Variants in DCC observed in about 807,000 individuals in gnomAD.
DCC encodes netrin receptor DCC.
A neutral mutation model predicts 172.5 loss-of-function variants in DCC; 58 were observed. The ratio of observed to expected loss-of-function variants is 0.34; its 90% CI spans 0.27 to 0.42. The LOEUF (loss-of-function observed/expected upper bound fraction) is 0.42, where lower values mean the gene tolerates loss of function less well. Ranked by LOEUF, DCC falls within the 10% of genes least tolerant of loss-of-function variation. The pLI is 1.00. For missense variants in DCC, 1,740 were observed against 1,791.0 expected (o/e 0.97, Z 0.51); for synonymous variants, 709 against 644.5 (o/e 1.10, Z -1.52).
At chr18:53,154,579 G>A (rs1007469179) in intron 7 of DCC, among the ~76,000 whole-genome samples, 2 of 152,198 alleles carry the variant, frequency 1.3e-5, no homozygotes, top group Non-Finnish European at 2.9e-5. Context: ...AGGCAGAGGA[G>A]CTGGGGGACA....
intron 1 of DCC, among the ~76,000 whole-genome samples, chr18:52,540,286 A>T (rs1439691586): frequency 1.3e-5 from 2 of 152,098 alleles, no homozygotes; most frequent in South Asian, 2.1e-4. Context: ...AAATTTTTTT[A>T]AATAATGATG....
Position 52,927,105 on chromosome 18 carries a change from ACACG to A in DCC, c.985+1736_985+1739del, listed in dbSNP as rs1434960861. Among the ~76,000 whole-genome samples the A allele has an allele frequency of 9.7e-4, 107 of 110,170 alleles. 17 individuals are homozygous for A. Among genetic ancestry groups the A allele is most frequent in the African/African-American group, 2.7e-3 (71 of 26,596 alleles). The allele number at this position is 110,170 out of a possible 152,430, so 72.3% of individuals were successfully genotyped here. On this transcript the variant is annotated intron_variant, in intron 5 of 28. Coordinates refer to ENST00000442544, the MANE Select transcript of DCC (RefSeq NM_005215.4). ...TATATACACGTATATACGTGTATAT[ACACG>A]TATATACGTGTATATACACGTATAT...
At chr18:52,585,874 G>C (rs558001008) in intron 1 of DCC, among the ~76,000 whole-genome samples, 1 of 152,064 alleles carries the variant, frequency 6.6e-6, no homozygotes, top group Non-Finnish European at 1.5e-5. Flanking sequence ...ACGAGGTTAG[G>C]TGATCAAGAC....
intron 13 of DCC, among the ~76,000 whole-genome samples, chr18:53,319,211 G>A (rs1436503870): frequency 6.6e-6 from 1 of 152,018 alleles, no homozygotes; most frequent in Non-Finnish European, 1.5e-5. Flanking sequence ...CAACTAATGG[G>A]CAAAATAACC....
intron 1 of DCC, among the ~76,000 whole-genome samples, chr18:52,634,976 C>A (rs79408999): frequency 0.14 from 20,878 of 152,112 alleles, 1,713 homozygotes; most frequent in Non-Finnish European, 0.19. Context: ...CTCTTAGTAT[C>A]ACTCTTCTAT....
chr18:53,391,957 C>A, intron 17 of DCC, 70 bp downstream of exon 17: 1 of 899,398 alleles, frequency 1.1e-6, no homozygotes, highest in Non-Finnish European at 1.8e-6. Context: ...TTTTAAACCT[C>A]TCCTGGACTG....
At chr18:52,871,159 C>T (rs2039312399) in intron 2 of DCC, among the ~76,000 whole-genome samples, 1 of 152,144 alleles carries the variant, frequency 6.6e-6, no homozygotes, top group South Asian at 2.1e-4. Flanking sequence ...TCTTATATAT[C>T]TTGGGTTCTC....
chr18:53,205,455 G>A lies in DCC; in HGVS notation c.1722+91G>A, dbSNP rs1217315871. On this transcript the variant is annotated intron_variant, in intron 10 of 28. Coordinates refer to ENST00000442544, the MANE Select transcript of DCC (RefSeq NM_005215.4). ...GGGCTGGAGAAATAGGAAAAGACTC[G>A]CAAACTCTTGAAACAGCCCAGTGTT... The A allele has an allele frequency of 3.0e-5, 38 of 1,269,708 alleles. No homozygotes were observed. In the East Asian group the frequency reaches 3.7e-4, roughly 12 times the overall value. The allele number at this position is 1,269,708 out of a possible 1,614,324, so 78.7% of individuals were successfully genotyped here. A position where few individuals can be genotyped will look rare whatever the true frequency, so the allele number is the denominator to read the frequency against.
intron 10 of DCC, among the ~76,000 whole-genome samples, chr18:53,206,478 TA>T (rs2055644896): frequency 9.9e-6 from 1 of 100,808 alleles, no homozygotes; most frequent in South Asian, 2.5e-4. Context: ...ATAGTATATA[TA>T]ATATATAATG....
At chr18:52,495,706 G>A (rs1281413185) in intron 1 of DCC, among the ~76,000 whole-genome samples, 4 of 151,898 alleles carry the variant, frequency 2.6e-5, no homozygotes, top group East Asian at 1.9e-4. Context: ...GTGAGCTTGA[G>A]AAGCTGTAAA....
At chr18:52,711,656 A>C (rs1386470855) in intron 1 of DCC, among the ~76,000 whole-genome samples, 1 of 151,968 alleles carries the variant, frequency 6.6e-6, no homozygotes, top group East Asian at 1.9e-4. Flanking sequence ...AGCCCCTTTG[A>C]TTTTGCTGCC....
At chr18:52,623,914 G>A (rs974977514) in intron 1 of DCC, among the ~76,000 whole-genome samples, 1 of 152,126 alleles carries the variant, frequency 6.6e-6, no homozygotes, top group Non-Finnish European at 1.5e-5. Flanking sequence ...ATGCACATGT[G>A]TGTATTGAAT....
intron 5 of DCC, among the ~76,000 whole-genome samples, chr18:53,026,976 T>G (rs1004274063): frequency 3.9e-5 from 6 of 152,160 alleles, no homozygotes; most frequent in African/African-American, 1.4e-4. Flanking sequence ...CTCATCTTTC[T>G]CAGTCATCAC....
intron 1 of DCC, among the ~76,000 whole-genome samples, chr18:52,646,064 T>C (rs879218497): frequency 1.3e-5 from 2 of 152,142 alleles, no homozygotes; most frequent in Non-Finnish European, 2.9e-5. Flanking sequence ...GAGGAAGGGG[T>C]TAGATTCAGA....
chr18:53,413,665 T>A (rs558422737), intron 20 of DCC, among the ~76,000 whole-genome samples: 2 of 152,306 alleles, frequency 1.3e-5, no homozygotes, highest in East Asian at 3.9e-4. Flanking sequence ...AGACAATGCA[T>A]GTATATGATT....
intron 5 of DCC, among the ~76,000 whole-genome samples, chr18:52,981,563 A>T (rs1036045861): frequency 2.7e-4 from 41 of 152,208 alleles, no homozygotes; most frequent in African/African-American, 9.9e-4. Context: ...TCTCATTAGG[A>T]GCTTATTTAA....
intron 2 of DCC, among the ~76,000 whole-genome samples, chr18:52,889,987 G>C (rs2039625040): frequency 6.6e-6 from 1 of 152,078 alleles, no homozygotes; most frequent in Non-Finnish European, 1.5e-5. Flanking sequence ...AAGAAATATA[G>C]AGTACTATAT....
intron 1 of DCC, among the ~76,000 whole-genome samples, chr18:52,725,618 G>A (rs1036260445): frequency 6.6e-6 from 1 of 152,140 alleles, no homozygotes; most frequent in Admixed American, 6.5e-5. Flanking sequence ...TGTGGGGGAG[G>A]TGTTGCCTGT....
rs187631927 is a variant in DCC, at chr18:53,290,610, G to A, written c.1912-14968G>A. Among the ~76,000 whole-genome samples, 490 of 152,082 alleles carry A rather than the reference G, an allele frequency of 3.2e-3. 2 individuals carry two copies. Among genetic ancestry groups the A allele is most frequent in the Admixed American group, 9.2e-3 (141 of 15,268 alleles). ...AATTTGACAGTTTGCTTGAAGATAG[G>A]CCGCTGTTAATAGCCACTTCTGTGG... On this transcript the variant is annotated intron_variant, in intron 12 of 28. Coordinates refer to ENST00000442544, the MANE Select transcript of DCC (RefSeq NM_005215.4).
Sources: allele counts gnomAD v4.1 joint callset (sites outside exome capture counted in the v4.1 genomes callset), GRCh38; gene constraint gnomAD v4.1.1; transcripts MANE v1.5; gene names NCBI Gene and HGNC (gene_info 2026-07-23, HGNC 2026-07-21).